The following MYO1H variants were observed in gnomAD, a reference collection of about 807,000 sequenced individuals.
The protein encoded by MYO1H is myosin IH, also known as unconventional myosin-Ih.
A neutral mutation model predicts 149.3 loss-of-function variants in MYO1H; 118 were observed. That is an observed-to-expected ratio of 0.79 (90% CI 0.68 to 0.92). MYO1H has a LOEUF of 0.92. Among genes scored for constraint, MYO1H ranks in the 40% least tolerant of loss-of-function variants. The pLI is 0.00. For synonymous variants in MYO1H, 447 were observed against 465.2 expected, an observed-to-expected ratio of 0.96 and a Z score of 0.50; for missense variants, 1,212 against 1,280.7, an observed-to-expected ratio of 0.95 and a Z score of 0.82.
intron 1 of MYO1H, among the ~76,000 whole-genome samples, chr12:109,383,927 G>C (rs912172115): frequency 6.6e-6 from 1 of 152,182 alleles, no homozygotes; most frequent in Non-Finnish European, 1.5e-5. Flanking sequence ...GATGGTTCTG[G>C]TTTGAGTGTT....
chr12:109,408,019 A>G (rs1294928235), intron 10 of MYO1H, 106 bp downstream of exon 10: 15 of 1,356,434 alleles, frequency 1.1e-5, no homozygotes, highest in Admixed American at 1.8e-5. Flanking sequence ...TGGGCGCCTC[A>G]TGGGCAGAGA....
At chr12:109,398,425 A>G (rs186070225) in intron 5 of MYO1H, among the ~76,000 whole-genome samples, 1 of 152,226 alleles carries the variant, frequency 6.6e-6, no homozygotes, top group East Asian at 1.9e-4. Context: ...TGCCAGCATG[A>G]TATCATTTTT....
At position 109,409,683 on chromosome 12, in the gene MYO1H, G is replaced by T. The variant is rs1870581879; in HGVS notation, c.1223+59G>T. 3.7e-6 allele frequency: 5 copies of T among 1,364,578 alleles called. No individual in the cohort carries two copies. In the Admixed American group the frequency reaches 6.8e-5, roughly 19 times the overall value. 84.5% of individuals were successfully genotyped at this position (1,364,578 alleles called of 1,614,324 possible). A position where few individuals can be genotyped will look rare whatever the true frequency, so the allele number is the denominator to read the frequency against. On this transcript the variant is annotated intron_variant, in intron 11 of 31. Coordinates refer to ENST00000310903, the Ensembl canonical transcript of MYO1H. ...TGCCCTTTTTTAAGATTTCAGTCGA[G>T]ATTTAAATCTTTCGCTAATGTTACT... is the stretch of plus-strand genomic sequence containing the variant.
At position 109,419,608 on chromosome 12, in the gene MYO1H, C is replaced by T. The variant is rs535656450; in HGVS notation, c.1598-1373C>T. ...TTGTTGCCTAGACTGGAGTACAGTG[C>T]GCAATCGTGGCTCACTGCAGTCTTG... is the stretch of plus-strand genomic sequence containing the variant. On this transcript the variant is annotated intron_variant, in intron 15 of 31. Coordinates refer to ENST00000310903, the Ensembl canonical transcript of MYO1H. 2.0e-4 allele frequency among the ~76,000 whole-genome samples: 31 copies of T among 152,022 alleles called. No homozygotes were observed. The South Asian group carries it at 2.7e-3, about 13-fold the overall frequency.
In MYO1H at chr12:109,431,992, ATTTTTTTT is replaced by A. The variant is rs554701536; in HGVS notation, c.1950-885_1950-878del. Among the ~76,000 whole-genome samples the A allele has an allele frequency of 2.7e-3, 232 of 85,748 alleles. 2 individuals are homozygous for A. Among genetic ancestry groups the A allele is most frequent in the African/African-American group, 0.012 (218 of 18,730 alleles). 56.3% of individuals were successfully genotyped at this position (85,748 alleles called of 152,430 possible). On this transcript the variant is annotated intron_variant, in intron 19 of 31. Coordinates refer to ENST00000310903, the Ensembl canonical transcript of MYO1H. ...ACTGCCACACCTGGCTAAAAAAAAA[ATTTTTTTT>A]TTTTTTTTTTTTTTTTTTTGAGATG... is the stretch of plus-strand genomic sequence containing the variant.
intron 1 of MYO1H, among the ~76,000 whole-genome samples, chr12:109,388,449 T>A (rs1191229645): frequency 6.6e-6 from 1 of 152,190 alleles, no homozygotes. Context: ...AGTCAAGTGT[T>A]TAGAATAGTA....
chr12:109,324,460 A>G, the MYO1H span, among the ~76,000 whole-genome samples: 13 of 152,198 alleles, frequency 8.5e-5, no homozygotes, highest in East Asian at 2.5e-3. Flanking sequence ...GTCTTTGGAA[A>G]ATCTAATCTG....
At chr12:109,322,915 TG>T in the MYO1H span, among the ~76,000 whole-genome samples, 1 of 151,134 alleles carries the variant, frequency 6.6e-6, no homozygotes, top group Non-Finnish European at 1.5e-5. Context: ...GAGACCATCC[TG>T]GCCAACATGG....
chr12:109,445,383 A>G (rs948140652), intron 30 of MYO1H, 130 bp from the exon 31 acceptor site: 1 of 722,076 alleles, frequency 1.4e-6, no homozygotes, highest in South Asian at 2.1e-5. Context: ...ATATGCAATA[A>G]AACACTGTAA....
intron 18 of MYO1H, 105 bp from the exon 19 acceptor site, chr12:109,427,364 G>A: frequency 2.7e-6 from 2 of 728,618 alleles, no homozygotes; most frequent in East Asian, 2.6e-5. Flanking sequence ...TGAGTCTGGG[G>A]CCAGACCCAG....
the MYO1H span, among the ~76,000 whole-genome samples, chr12:109,313,125 G>T: frequency 6.6e-6 from 1 of 152,072 alleles, no homozygotes; most frequent in African/African-American, 2.4e-5. Flanking sequence ...CATGCTTGTA[G>T]TCCCAGCTAC....
intron 1 of MYO1H, among the ~76,000 whole-genome samples, chr12:109,367,916 C>T (rs1868900394): frequency 6.6e-6 from 1 of 152,098 alleles, no homozygotes. Flanking sequence ...TGCAGTGGCA[C>T]AATCATGGCT....
intron 16 of MYO1H, among the ~76,000 whole-genome samples, chr12:109,423,549 T>C (rs1268984109): frequency 6.6e-6 from 1 of 152,250 alleles, no homozygotes; most frequent in Non-Finnish European, 1.5e-5. Context: ...TCTTTTCATC[T>C]TGCAGAACTG....
chr12:109,394,414 A>G (rs1869804480), intron 3 of MYO1H, among the ~76,000 whole-genome samples: 1 of 152,224 alleles, frequency 6.6e-6, no homozygotes, highest in Non-Finnish European at 1.5e-5. Flanking sequence ...AACCACCTTG[A>G]TATCAGTTTT....
At chr12:109,390,469 A>T (rs182510855) in intron 2 of MYO1H, among the ~76,000 whole-genome samples, 1 of 152,050 alleles carries the variant, frequency 6.6e-6, no homozygotes, top group East Asian at 1.9e-4. Flanking sequence ...AAGAGCTTGG[A>T]GCTCTTTGTT....
Position 109,415,614 on chromosome 12 carries a change from A to AC in MYO1H, c.1593dup (p.Lys532GlnfsTer9), listed in dbSNP as rs1383138350. ...CTATGCAGGAGAGGTCACATACTGC[A>AC]CCAAGGGTGAGTGGCCGTGGGGTAC... On this transcript the variant is annotated frameshift_variant, in exon 15 of 32. Coordinates refer to ENST00000310903, the Ensembl canonical transcript of MYO1H. LOFTEE classifies it high-confidence loss of function. 6.3e-7 allele frequency: 1 copy of AC among 1,596,612 alleles called. No homozygotes were observed. The highest frequency in any genetic ancestry group is 1.3e-5 in the African/African-American group (1 of 74,770).
chr12:109,385,887 T>C (rs1869295936), intron 1 of MYO1H, among the ~76,000 whole-genome samples: 1 of 152,316 alleles, frequency 6.6e-6, no homozygotes, highest in East Asian at 1.9e-4. Context: ...ACGGTTGTTT[T>C]TCAAAAATAA....
chr12:109,371,252 G>A (rs1868978599), intron 1 of MYO1H, among the ~76,000 whole-genome samples: 1 of 120,736 alleles, frequency 8.3e-6, no homozygotes, highest in Admixed American at 1.2e-4. Context: ...GTCTCACTCT[G>A]CTACCCAGGC....
intron 1 of MYO1H, among the ~76,000 whole-genome samples, chr12:109,348,376 A>C (rs1350724794): frequency 6.6e-6 from 1 of 152,224 alleles, no homozygotes; most frequent in East Asian, 1.9e-4. Context: ...AATTTTCATT[A>C]ATTTAAATAG....
Sources: gnomAD v4.1 joint callset for allele counts (sites outside exome capture counted in the v4.1 genomes callset) on GRCh38, gnomAD v4.1.1 for gene constraint, MANE v1.5 for transcripts, NCBI Gene and HGNC (gene_info 2026-07-23, HGNC 2026-07-21) for gene names.